AKR1C8: variants seen among roughly 807,000 people sequenced by gnomAD.
AKR1C8 encodes the protein aldo-keto reductase family 1 member C8.
At chr10:5,138,911 C>A in the AKR1C8 span, among the ~76,000 whole-genome samples, 1 of 152,114 alleles carries the variant, frequency 6.6e-6, no homozygotes, top group Non-Finnish European at 1.5e-5. Context: ...TAGAAAACCC[C>A]AACATCTCAG....
At chr10:5,149,162 T>C in the AKR1C8 span, among the ~76,000 whole-genome samples, 1 of 152,114 alleles carries the variant, frequency 6.6e-6, no homozygotes, top group African/African-American at 2.4e-5. Flanking sequence ...GAAAATAATT[T>C]AGGATTCAGA....
At chr10:5,157,694 G>T in the AKR1C8 span, 4 of 472,702 alleles carry the variant, frequency 8.5e-6, no homozygotes, top group African/African-American at 8.0e-5. Flanking sequence ...ACCACTCCCC[G>T]CTGCAGCTGG....
At chr10:5,134,961 C>A in the AKR1C8 span, among the ~76,000 whole-genome samples, 1 of 152,156 alleles carries the variant, frequency 6.6e-6, no homozygotes, top group Non-Finnish European at 1.5e-5. Context: ...TATGACCAGA[C>A]CCCAATGCAG....
the AKR1C8 span, among the ~76,000 whole-genome samples, chr10:5,179,806 C>T: frequency 6.6e-6 from 1 of 152,192 alleles, no homozygotes; most frequent in Admixed American, 6.5e-5. Context: ...AGTTCTCAAG[C>T]CTTGGCTTTC....
the AKR1C8 span, among the ~76,000 whole-genome samples, chr10:5,136,885 C>A: frequency 6.6e-6 from 1 of 151,950 alleles, no homozygotes; most frequent in African/African-American, 2.4e-5. Context: ...AAAATTCTGA[C>A]AAGAGATAAA....
the AKR1C8 span, among the ~76,000 whole-genome samples, chr10:5,121,070 A>G: frequency 6.6e-6 from 1 of 150,752 alleles, no homozygotes; most frequent in African/African-American, 2.4e-5. Flanking sequence ...AAAACGACAT[A>G]GAGGCTTTTC....
chr10:5,120,398 G>C, the AKR1C8 span, among the ~76,000 whole-genome samples: 1 of 152,090 alleles, frequency 6.6e-6, no homozygotes, highest in African/African-American at 2.4e-5. Flanking sequence ...CCACGATCAA[G>C]CTGGTCTCAG....
the AKR1C8 span, among the ~76,000 whole-genome samples, chr10:5,144,566 G>T: frequency 1.3e-5 from 2 of 151,068 alleles, no homozygotes; most frequent in Admixed American, 1.3e-4. Context: ...GTGGTTTGTA[G>T]TTCTCCTTGA....
chr10:5,128,229 G>A, the AKR1C8 span, among the ~76,000 whole-genome samples: 1 of 152,106 alleles, frequency 6.6e-6, no homozygotes, highest in Admixed American at 6.6e-5. Context: ...AAAAACAAAT[G>A]ATGAAGGAAT....
the AKR1C8 span, among the ~76,000 whole-genome samples, chr10:5,149,904 CAAAA>C: frequency 6.6e-6 from 1 of 151,766 alleles, no homozygotes; most frequent in South Asian, 2.1e-4. Context: ...AAATTTTTCT[CAAAA>C]AAGAATATTT....
the AKR1C8 span, among the ~76,000 whole-genome samples, chr10:5,162,431 G>A: frequency 2.0e-5 from 3 of 152,152 alleles, no homozygotes; most frequent in African/African-American, 7.2e-5. Flanking sequence ...TATGAAGCAT[G>A]GATTTCCATC....
chr10:5,153,531 T>C, the AKR1C8 span, among the ~76,000 whole-genome samples: 5 of 152,156 alleles, frequency 3.3e-5, no homozygotes, highest in African/African-American at 1.2e-4. Context: ...GTAACTTTTA[T>C]AAAAGTTTAA....
At chr10:5,130,343 C>T in the AKR1C8 span, among the ~76,000 whole-genome samples, 1 of 151,906 alleles carries the variant, frequency 6.6e-6, no homozygotes, top group Non-Finnish European at 1.5e-5. Flanking sequence ...TTAAAACATT[C>T]CCCTGAGAAC....
the AKR1C8 span, among the ~76,000 whole-genome samples, chr10:5,120,496 T>C: frequency 6.6e-6 from 1 of 152,204 alleles, no homozygotes; most frequent in East Asian, 1.9e-4. Flanking sequence ...CCGTGTTCTT[T>C]TTTTTCATTT....
the AKR1C8 span, among the ~76,000 whole-genome samples, chr10:5,180,740 C>T: frequency 6.6e-6 from 1 of 152,218 alleles, no homozygotes; most frequent in African/African-American, 2.4e-5. Flanking sequence ...TGATCTCAGA[C>T]TGCTGTGCTA....
chr10:5,181,358 A>G, the AKR1C8 span, among the ~76,000 whole-genome samples: 1 of 152,212 alleles, frequency 6.6e-6, no homozygotes, highest in East Asian at 1.9e-4. Context: ...AGACTAATAA[A>G]AAGTTTTTAC....
At chr10:5,120,060 C>A in the AKR1C8 span, among the ~76,000 whole-genome samples, 5 of 152,234 alleles carry the variant, frequency 3.3e-5, no homozygotes, top group Middle Eastern at 3.4e-3. Flanking sequence ...TGTTTGTTTA[C>A]CGGAATGATG....
At chr10:5,180,714 C>T in the AKR1C8 span, among the ~76,000 whole-genome samples, 1,077 of 152,340 alleles carry the variant, frequency 7.1e-3, 2 homozygotes, top group Non-Finnish European at 0.01. Context: ...CCCAGCCTGG[C>T]TGTCGCCTTG....
the AKR1C8 span, among the ~76,000 whole-genome samples, chr10:5,125,353 T>C: frequency 6.6e-6 from 1 of 152,224 alleles, no homozygotes; most frequent in East Asian, 1.9e-4. Flanking sequence ...TGGGAGAATA[T>C]CTTCATTCCT....
Sources: allele counts gnomAD v4.1 joint callset (sites outside exome capture counted in the v4.1 genomes callset), GRCh38; gene constraint gnomAD v4.1.1; transcripts MANE v1.5; gene names NCBI Gene and HGNC (gene_info 2026-07-23, HGNC 2026-07-21).